The following FHL1 variants were observed in gnomAD, a reference collection of about 807,000 sequenced individuals.
FHL1 encodes the protein four and a half LIM domains protein 1.
Under a neutral mutation model 20.3 loss-of-function variants are expected in FHL1, and 1 was observed. The ratio of observed to expected loss-of-function variants is 0.05; its 90% CI spans 0.02 to 0.23. FHL1 has a LOEUF of 0.23. FHL1 is among the 10% of genes least tolerant of loss of function. The probability of loss-of-function intolerance (pLI) is 1.00; values close to 1 mark genes in which losing one functional copy is unlikely to be tolerated. For missense variants in FHL1, 177 were observed against 234.0 expected (o/e 0.76, Z 1.59); for synonymous variants, 82 against 88.9 (o/e 0.92, Z 0.44).
Position 136,162,101 on chromosome X carries a change from C to G in FHL1, c.-100-7806C>G, listed in dbSNP as rs977973776. On this transcript the variant is annotated intron_variant, in intron 1 of 7. Coordinates refer to the FHL1 transcript ENST00000394155. ...TTGTGCCACTCCACTCCAGCCTGGGCGACAGAGAGAGACCCTGTCTCAAAA... is the reference window on the plus strand; with the variant it reads ...TTGTGCCACTCCACTCCAGCCTGGGGGACAGAGAGAGACCCTGTCTCAAAA... Among the ~76,000 whole-genome samples, 11 of 85,063 alleles carry G rather than the reference C, an allele frequency of 1.3e-4. No individual in the cohort carries two copies. In the East Asian group the frequency reaches 4.0e-3, roughly 31 times the overall value. 73.9% of individuals were successfully genotyped at this position (85,063 alleles called of 115,157 possible).
upstream of FHL1, among the ~76,000 whole-genome samples, chrX:136,196,088 G>T (rs1250957066): frequency 8.9e-6 from 1 of 111,919 alleles, no homozygotes; most frequent in African/African-American, 3.3e-5. Context: ...CAGGAGATCA[G>T]ACAGCAAGGA....
upstream of FHL1, among the ~76,000 whole-genome samples, chrX:136,193,082 T>TAAA (rs57788194): frequency 2.1e-5 from 2 of 95,541 alleles, no homozygotes; most frequent in South Asian, 1.0e-3. Context: ...AAGAGTCATG[T>TAAA]AAAAAAAAAA....
upstream of FHL1, chrX:136,147,380 C>G (rs1038615856): frequency 5.0e-5 from 5 of 99,141 alleles, no homozygotes; most frequent in East Asian, 1.3e-3. Flanking sequence ...GGGCAGAGCC[C>G]GGCCCCGCGC....
chrX:136,152,872 A>G (rs1040823188), intron 1 of FHL1, among the ~76,000 whole-genome samples: 2 of 111,697 alleles, frequency 1.8e-5, no homozygotes, highest in East Asian at 2.8e-4. Flanking sequence ...GATCTACTCA[A>G]ATTGAAACAG....
At chrX:136,178,364 C>A (rs1392626629) in intron 2 of FHL1, among the ~76,000 whole-genome samples, 2 of 111,765 alleles carry the variant, frequency 1.8e-5, no homozygotes, top group Admixed American at 1.9e-4. Context: ...TCTTATCAGC[C>A]AGATAAGCTT....
chrX:136,169,576 A>G (rs2072805443), upstream of FHL1: 1 of 251,878 alleles, frequency 4.0e-6, no homozygotes, highest in South Asian at 4.0e-5. Context: ...ATTTGTTTTG[A>G]TTACCCGGGT....
chrX:136,163,672 A>G (rs1179845169), intron 1 of FHL1, among the ~76,000 whole-genome samples: 1 of 111,954 alleles, frequency 8.9e-6, no homozygotes, highest in Non-Finnish European at 1.9e-5. Context: ...AGTACCTCTC[A>G]GACTTCTGGG....
intron 3 of FHL1, 24 bp from the exon 4 acceptor site, chrX:136,207,768 C>T: frequency 8.3e-7 from 1 of 1,210,299 alleles, no homozygotes; most frequent in Non-Finnish European, 1.1e-6. Context: ...GTCAGTGGGG[C>T]TATCCAATTG....
At chrX:136,202,967 C>G (rs994999212) in intron 1 of FHL1, among the ~76,000 whole-genome samples, 2 of 112,140 alleles carry the variant, frequency 1.8e-5, no homozygotes, top group African/African-American at 3.2e-5. Context: ...ATCAGTATCT[C>G]CTCCAACTTC....
At chrX:136,180,448 G>A (rs2084500872) in intron 2 of FHL1, among the ~76,000 whole-genome samples, 2 of 51,126 alleles carry the variant, frequency 3.9e-5, no homozygotes, top group Non-Finnish European at 1.1e-4. Context: ...CATATATGAA[G>A]TCTAGAGAGG....
At chrX:136,167,675 C>G, upstream of FHL1, among the ~76,000 whole-genome samples, 1 of 111,703 alleles carries the variant, frequency 9.0e-6, no homozygotes, top group Non-Finnish European at 1.9e-5. Flanking sequence ...CTGTCCTTTC[C>G]CCACCTGTAG....
chrX:136,153,846 A>AT (rs1365005846), intron 1 of FHL1, among the ~76,000 whole-genome samples: 38 of 111,359 alleles, frequency 3.4e-4, no homozygotes, highest in African/African-American at 1.2e-3. Context: ...AAATGACTAG[A>AT]TTTTCTGAAC....
At chrX:136,154,326 A>C (rs775479749) in intron 1 of FHL1, among the ~76,000 whole-genome samples, 3 of 112,349 alleles carry the variant, frequency 2.7e-5, no homozygotes, top group South Asian at 7.3e-4. Flanking sequence ...CAGTACAGGA[A>C]TTTTTCATGT....
chrX:136,147,335 C>CCGCGCGCGCGCGCGCG (rs778088020), upstream of FHL1: 2 of 86,960 alleles, frequency 2.3e-5, no homozygotes, highest in African/African-American at 4.3e-5. Flanking sequence ...CGGCCGTCTC[C>CCGCGCGCGCGCGCGCG]CGCGCGCGCG....
intron 2 of FHL1, among the ~76,000 whole-genome samples, chrX:136,178,507 A>G (rs1240582282): frequency 9.0e-6 from 1 of 110,869 alleles, no homozygotes; most frequent in Non-Finnish European, 1.9e-5. Context: ...GAGGCATGAG[A>G]ATCGCTTGAT....
upstream of FHL1, among the ~76,000 whole-genome samples, chrX:136,195,547 A>AT (rs1339238084): frequency 3.6e-5 from 4 of 111,843 alleles, no homozygotes; most frequent in Non-Finnish European, 7.5e-5. Flanking sequence ...TCCCAGGCTT[A>AT]TTTTTTTCCT....
chrX:136,209,829 G>C (rs779145852), intron 5 of FHL1, 42 bp from the exon 6 acceptor site: 20 of 1,187,200 alleles, frequency 1.7e-5, no homozygotes, highest in Non-Finnish European at 2.3e-5. Context: ...TCATTCAGCT[G>C]TTTCTCTTGT....
chrX:136,184,304 T>C (rs919885984), intron 2 of FHL1, among the ~76,000 whole-genome samples: 3 of 112,101 alleles, frequency 2.7e-5, no homozygotes, highest in East Asian at 5.5e-4. Flanking sequence ...TGTTGAGGGC[T>C]TTCCAAGTTA....
At chrX:136,199,262 T>G (rs1398817123) in intron 1 of FHL1, among the ~76,000 whole-genome samples, 1 of 111,744 alleles carries the variant, frequency 8.9e-6, no homozygotes, top group East Asian at 2.8e-4. Context: ...TTTAATAATC[T>G]ATATCGAACC....
Sources: gnomAD v4.1 joint callset for allele counts (sites outside exome capture counted in the v4.1 genomes callset) on GRCh38, gnomAD v4.1.1 for gene constraint, MANE v1.5 for transcripts, NCBI Gene and HGNC (gene_info 2026-07-23, HGNC 2026-07-21) for gene names.